NUBPL: variants seen among roughly 807,000 people sequenced by gnomAD.
NUBPL encodes the protein NUBP iron-sulfur cluster assembly factor, mitochondrial.
A neutral mutation model predicts 45.7 loss-of-function variants in NUBPL; 31 were observed. The observed-to-expected ratio is 0.68, with a 90% CI of 0.51 to 0.92. The LOEUF (loss-of-function observed/expected upper bound fraction) is 0.92. NUBPL is among the 40% of genes least tolerant of loss of function. The pLI is 0.00. For missense variants in NUBPL, 401 were observed against 398.7 expected (o/e 1.01, Z -0.05); for synonymous variants, 144 against 140.9 (o/e 1.02, Z -0.15).
At chr14:31,725,410 G>A (rs145366668) in intron 6 of NUBPL, among the ~76,000 whole-genome samples, 21 of 152,226 alleles carry the variant, frequency 1.4e-4, no homozygotes, top group African/African-American at 3.1e-4. Context: ...AAAATGCTGC[G>A]TACCAGAAGT....
At chr14:31,574,045 A>G (rs751382779) in intron 3 of NUBPL, among the ~76,000 whole-genome samples, 50 of 152,184 alleles carry the variant, frequency 3.3e-4, no homozygotes, top group Non-Finnish European at 6.8e-4. Flanking sequence ...AGCAAATTCC[A>G]AGTGTTGGAT....
At chr14:31,572,977 A>G (rs888066413) in intron 3 of NUBPL, among the ~76,000 whole-genome samples, 1 of 152,230 alleles carries the variant, frequency 6.6e-6, no homozygotes, top group Non-Finnish European at 1.5e-5. Context: ...ACAAAATGGT[A>G]CCCCTGCATA....
chr14:31,733,463 T>A (rs2038098312), intron 6 of NUBPL, among the ~76,000 whole-genome samples: 1 of 152,214 alleles, frequency 6.6e-6, no homozygotes, highest in Non-Finnish European at 1.5e-5. Flanking sequence ...AGTCTTCTGA[T>A]CCATGAATAT....
rs149200864 is a variant in NUBPL, at chr14:31,662,471, G to GC, written c.383-10878dup. Among the ~76,000 whole-genome samples the GC allele has an allele frequency of 4.8e-3, 722 of 151,654 alleles. 33 individuals carry two copies. In the East Asian group the frequency reaches 0.099, roughly 21 times the overall value. On this transcript the variant is annotated intron_variant, in intron 4 of 10. Transcript: ENST00000281081. Reference sequence around the variant, plus strand: ...TATCCTAATGTTATCCCTTCCCTCTGCCCCCCACCCACCGACAGGCCCTGG... The same window carrying GC: ...TATCCTAATGTTATCCCTTCCCTCTGCCCCCCCACCCACCGACAGGCCCTGG...
At chr14:31,661,544 T>C (rs2036269283) in intron 4 of NUBPL, among the ~76,000 whole-genome samples, 1 of 152,214 alleles carries the variant, frequency 6.6e-6, no homozygotes, top group Admixed American at 6.5e-5. Context: ...TTTCTGGTAA[T>C]TTTTTGTTTT....
intron 7 of NUBPL, chr14:31,801,217 C>G (rs1265504791): frequency 6.6e-6 from 1 of 152,258 alleles, no homozygotes; most frequent in Non-Finnish European, 1.5e-5. Flanking sequence ...CTCCCACAGT[C>G]TCATCTCCTT....
chr14:31,593,513 C>CAAAAAA (rs34026301), intron 3 of NUBPL, among the ~76,000 whole-genome samples: 2 of 75,188 alleles, frequency 2.7e-5, no homozygotes, highest in Non-Finnish European at 4.5e-5. Flanking sequence ...GCTTCCGTCT[C>CAAAAAA]AAAAAAAAAA....
chr14:31,611,879 A>G (rs543246089), intron 4 of NUBPL, among the ~76,000 whole-genome samples: 2 of 152,366 alleles, frequency 1.3e-5, no homozygotes, highest in Admixed American at 6.5e-5. Flanking sequence ...ATGCAAAAGA[A>G]TGAAACTAGA....
At chr14:31,720,470 TC>T (rs1430826145) in intron 6 of NUBPL, among the ~76,000 whole-genome samples, 4 of 152,206 alleles carry the variant, frequency 2.6e-5, no homozygotes, top group African/African-American at 9.6e-5. Flanking sequence ...GTCCTGTCTG[TC>T]CCTTTTAGCC....
intron 6 of NUBPL, among the ~76,000 whole-genome samples, chr14:31,750,688 T>C (rs936340375): frequency 6.6e-6 from 1 of 152,158 alleles, no homozygotes; most frequent in African/African-American, 2.4e-5. Context: ...AGTAGCTTTG[T>C]AGGGAAAGAC....
chr14:31,673,294 T>C, intron 4 of NUBPL, 61 bp from the exon 5 acceptor site: 1 of 1,417,542 alleles, frequency 7.1e-7, no homozygotes, highest in South Asian at 1.3e-5. Context: ...AAAAACCCAA[T>C]TCAGAATGTT....
intron 4 of NUBPL, among the ~76,000 whole-genome samples, chr14:31,637,858 CT>C (rs1185487118): frequency 6.6e-6 from 1 of 152,092 alleles, no homozygotes; most frequent in Non-Finnish European, 1.5e-5. Flanking sequence ...TTCTTTGTCT[CT>C]TTTGATGTTT....
Position 31,581,701 on chromosome 14 carries a change from G to A in NUBPL, c.291+16653G>A, listed in dbSNP as rs556947140. 2.1e-4 allele frequency among the ~76,000 whole-genome samples: 32 copies of A among 152,306 alleles called. No homozygotes were observed. In the East Asian group the frequency reaches 2.1e-3, roughly 10 times the overall value. On this transcript the variant is annotated intron_variant, in intron 3 of 10. Coordinates refer to ENST00000281081, the MANE Select transcript of NUBPL (RefSeq NM_025152.3). Reference sequence around the variant, plus strand: ...CCTTTACACATGTTAAATGTAAAACGCGTGATAGACACCCAGGTGGATATG... The same window carrying A: ...CCTTTACACATGTTAAATGTAAAACACGTGATAGACACCCAGGTGGATATG...
At chr14:31,617,718 G>A (rs1354646029) in intron 4 of NUBPL, among the ~76,000 whole-genome samples, 2 of 152,138 alleles carry the variant, frequency 1.3e-5, no homozygotes, top group Non-Finnish European at 2.9e-5. Flanking sequence ...GTTCATCGGG[G>A]ATATAGGCTT....
Position 31,599,333 on chromosome 14 carries a change from A to C in NUBPL, c.336A>C (p.Ser112=). 1 of 1,613,090 alleles carries C rather than the reference A, an allele frequency of 6.2e-7. No homozygotes were observed. The highest frequency in any genetic ancestry group is 1.3e-5 in the African/African-American group (1 of 75,030). The stretch of plus-strand genomic sequence containing the variant: ...TAGATGTGGATGTGTATGGACCTTC[A>C]GTTCCAAAGATGATGAATCTGAAAG... The part of the protein sequence containing the change: ...GLLDVDVYGP[S]VPKMMNLKGN... The change falls in exon 4 of 11, where the codon TCA becomes TCC. Residue 112 remains serine (S), a synonymous_variant. Coordinates refer to ENST00000281081, the MANE Select transcript of NUBPL (RefSeq NM_025152.3).
intron 4 of NUBPL, among the ~76,000 whole-genome samples, chr14:31,629,467 A>T (rs556027153): frequency 2.6e-5 from 4 of 152,282 alleles, no homozygotes; most frequent in African/African-American, 7.2e-5. Flanking sequence ...TATTTTTGTA[A>T]AACTTCTATT....
intron 6 of NUBPL, among the ~76,000 whole-genome samples, chr14:31,707,568 A>G (rs542511041): frequency 9.8e-5 from 15 of 152,296 alleles, no homozygotes; most frequent in African/African-American, 3.4e-4. Flanking sequence ...GGGGATCCAT[A>G]GTCAGCAAAC....
At chr14:31,634,341 T>C (rs1306788098) in intron 4 of NUBPL, among the ~76,000 whole-genome samples, 1 of 150,268 alleles carries the variant, frequency 6.7e-6, no homozygotes, top group African/African-American at 2.5e-5. Context: ...ATGCGGTGTT[T>C]GGTTTTTTGT....
intron 7 of NUBPL, among the ~76,000 whole-genome samples, chr14:31,810,436 C>T (rs976902879): frequency 6.6e-6 from 1 of 152,094 alleles, no homozygotes; most frequent in African/African-American, 2.4e-5. Flanking sequence ...TCTAGGATTG[C>T]AACCCCTGTT....
Sources: allele counts gnomAD v4.1 joint callset (sites outside exome capture counted in the v4.1 genomes callset), GRCh38; gene constraint gnomAD v4.1.1; transcripts MANE v1.5; gene names NCBI Gene and HGNC (gene_info 2026-07-23, HGNC 2026-07-21).